The following MICU3 variants were observed in gnomAD, a reference collection of about 807,000 sequenced individuals.
MICU3 encodes the protein mitochondrial calcium uptake 3, also known as calcium uptake protein 3, mitochondrial.
MICU3 carries 62 observed loss-of-function variants against 66.5 expected under a neutral mutation model. The ratio of observed to expected loss-of-function variants is 0.93; its 90% CI spans 0.76 to 1.15. The LOEUF (loss-of-function observed/expected upper bound fraction) is 1.15, where lower values mean the gene tolerates loss of function less well. Among genes scored for constraint, MICU3 ranks in the 50% most tolerant of loss-of-function variants. The pLI is 0.00. For missense variants in MICU3, 779 were observed against 664.4 expected, an observed-to-expected ratio of 1.17 and a Z score of -1.90; for synonymous variants, 308 against 240.7, an observed-to-expected ratio of 1.28 and a Z score of -2.59.
chr8:17,041,560 AG>A (rs976427832), intron 1 of MICU3, among the ~76,000 whole-genome samples: 2 of 152,134 alleles, frequency 1.3e-5, no homozygotes, highest in African/African-American at 2.4e-5. Flanking sequence ...TCTGAAGAAG[AG>A]AGAGGATAGT....
chr8:17,098,170 C>G (rs752205500), intron 8 of MICU3, among the ~76,000 whole-genome samples: 1 of 151,644 alleles, frequency 6.6e-6, no homozygotes, highest in East Asian at 1.9e-4. Flanking sequence ...AGAAGTTACA[C>G]ACGTTTCAGT....
chr8:17,091,808 T>C (rs1800090769), intron 8 of MICU3, among the ~76,000 whole-genome samples: 1 of 152,134 alleles, frequency 6.6e-6, no homozygotes, highest in South Asian at 2.1e-4. Flanking sequence ...CTGGAATGTG[T>C]AAGATGAAAA....
intron 11 of MICU3, among the ~76,000 whole-genome samples, chr8:17,113,127 A>G (rs1214624564): frequency 6.6e-6 from 1 of 152,210 alleles, no homozygotes; most frequent in Non-Finnish European, 1.5e-5. Context: ...GTAATAAATC[A>G]TTTGATCTAA....
chr8:17,090,577 C>G lies in MICU3; in HGVS notation c.881C>G (p.Thr294Ser), dbSNP rs1799946158. 6.2e-7 allele frequency: 1 copy of G among 1,609,482 alleles called. No individual in the cohort carries two copies. The highest frequency in any genetic ancestry group is 8.5e-7 in the Non-Finnish European group (1 of 1,176,926). ...CAACTTTATGGATACCATTCTCCTA[C>G]TAATAGTGTATGTACAATACTTTAA... The part of the protein sequence containing the change: ...RLQLYGYHSP[T>S]NSVLKTDAEE... Residue 294 changes from threonine to serine, a missense_variant, in exon 8 of 15, where the codon ACT (threonine) becomes AGT (serine). Thr to Ser is a moderately conservative substitution (Grantham distance 58, BLOSUM62 1). Transcript: ENST00000318063.
chr8:17,041,904 A>G (rs1422740687), intron 1 of MICU3, among the ~76,000 whole-genome samples: 1 of 152,194 alleles, frequency 6.6e-6, no homozygotes, highest in Admixed American at 6.5e-5. Flanking sequence ...TCGGAGCAAG[A>G]TACAGAAATA....
At chr8:17,037,443 G>T (rs1813233529) in intron 1 of MICU3, among the ~76,000 whole-genome samples, 1 of 152,184 alleles carries the variant, frequency 6.6e-6, no homozygotes, top group African/African-American at 2.4e-5. Context: ...GCCAAAATGG[G>T]CCAATGTAGA....
At chr8:17,109,387 T>G (rs2150822187) in intron 11 of MICU3, among the ~76,000 whole-genome samples, 1 of 152,286 alleles carries the variant, frequency 6.6e-6, no homozygotes, top group Non-Finnish European at 1.5e-5. Context: ...TTACTAATTA[T>G]AATGTTGTTT....
chr8:17,055,461 A>G (rs1816777777), intron 1 of MICU3, among the ~76,000 whole-genome samples: 1 of 152,190 alleles, frequency 6.6e-6, no homozygotes, highest in Non-Finnish European at 1.5e-5. Context: ...TGTTGAGCAC[A>G]ATTTCTTCTC....
intron 1 of MICU3, among the ~76,000 whole-genome samples, chr8:17,034,466 C>T (rs760377705): frequency 1.3e-5 from 2 of 152,190 alleles, no homozygotes; most frequent in African/African-American, 2.4e-5. Context: ...AAGGCTATAG[C>T]TGCCATAGAT....
chr8:17,096,302 T>C (rs1396821552), intron 8 of MICU3, among the ~76,000 whole-genome samples: 2 of 151,968 alleles, frequency 1.3e-5, no homozygotes, highest in Non-Finnish European at 2.9e-5. Context: ...GCTTTGCATT[T>C]CTTGCTATTA....
chr8:17,105,883 C>T (rs1421687740), intron 11 of MICU3, among the ~76,000 whole-genome samples: 1 of 152,030 alleles, frequency 6.6e-6, no homozygotes, highest in African/African-American at 2.4e-5. Context: ...TATGCTTTGA[C>T]TACTACCTAA....
intron 1 of MICU3, among the ~76,000 whole-genome samples, chr8:17,056,095 T>C (rs569925597): frequency 2.0e-5 from 3 of 152,326 alleles, no homozygotes; most frequent in African/African-American, 7.2e-5. Flanking sequence ...GATTGATCCC[T>C]GTGATTTAGC....
intron 3 of MICU3, among the ~76,000 whole-genome samples, chr8:17,076,877 C>T (rs910257962): frequency 3.3e-5 from 5 of 152,194 alleles, no homozygotes; most frequent in African/African-American, 1.2e-4. Flanking sequence ...GGTGTCAGAT[C>T]TGAAAATAGA....
At chr8:17,079,616 C>T (rs914077728) in intron 4 of MICU3, among the ~76,000 whole-genome samples, 3 of 151,964 alleles carry the variant, frequency 2.0e-5, no homozygotes, top group Non-Finnish European at 2.9e-5. Flanking sequence ...CATCATGGCT[C>T]ATTGCAGCCT....
At chr8:17,077,931 C>T in intron 4 of MICU3, 70 bp downstream of exon 4, 1 of 906,802 alleles carries the variant, frequency 1.1e-6, no homozygotes, top group South Asian at 2.0e-5. Context: ...TGCATATTTT[C>T]CCATACCTAA....
chr8:17,037,805 C>A (rs1405531741), intron 1 of MICU3, among the ~76,000 whole-genome samples: 1 of 152,202 alleles, frequency 6.6e-6, no homozygotes, highest in Non-Finnish European at 1.5e-5. Flanking sequence ...AGGGGAAGAA[C>A]TGCCCAAGGC....
At chr8:17,036,863 AG>A (rs1251666041) in intron 1 of MICU3, among the ~76,000 whole-genome samples, 2 of 152,162 alleles carry the variant, frequency 1.3e-5, no homozygotes, top group East Asian at 1.9e-4. Context: ...ACCGTGGCGC[AG>A]GGGGTGGTGC....
intron 2 of MICU3, among the ~76,000 whole-genome samples, chr8:17,064,752 G>A (rs1376477466): frequency 2.0e-5 from 3 of 152,114 alleles, no homozygotes; most frequent in African/African-American, 7.2e-5. Context: ...ATTCTCATGT[G>A]TGCTTTTTTA....
chr8:17,067,382 T>A (rs532291452), intron 2 of MICU3, among the ~76,000 whole-genome samples: 1 of 152,200 alleles, frequency 6.6e-6, no homozygotes, highest in African/African-American at 2.4e-5. Flanking sequence ...ACAGTAAACA[T>A]TTAATATTGG....
Sources: allele counts gnomAD v4.1 joint callset (sites outside exome capture counted in the v4.1 genomes callset), GRCh38; gene constraint gnomAD v4.1.1; transcripts MANE v1.5; gene names NCBI Gene and HGNC (gene_info 2026-07-23, HGNC 2026-07-21).